Variants in NAV3 observed in about 807,000 individuals in gnomAD.
NAV3 encodes pore membrane and/or filament interacting like protein 1.
Under a neutral mutation model 244.7 loss-of-function variants are expected in NAV3, and 87 were observed. That is an observed-to-expected ratio of 0.36 (90% CI 0.30 to 0.42). The LOEUF is 0.42. Ranked by LOEUF, NAV3 falls within the 20% of genes least tolerant of loss-of-function variation. The pLI is 1.00. For synonymous variants in NAV3, 1,126 were observed against 1,042.2 expected, an observed-to-expected ratio of 1.08 and a Z score of -1.55; for missense variants, 2,663 against 2,893.3, an observed-to-expected ratio of 0.92 and a Z score of 1.83.
intron 2 of NAV3, among the ~76,000 whole-genome samples, chr12:77,824,558 G>T (rs1046070449): frequency 6.6e-5 from 10 of 151,818 alleles, no homozygotes; most frequent in Admixed American, 5.9e-4. Flanking sequence ...ACTATAAAAA[G>T]GTCCAATGAA....
At chr12:78,124,404 A>G (rs1269216460) in intron 16 of NAV3, among the ~76,000 whole-genome samples, 1 of 151,828 alleles carries the variant, frequency 6.6e-6, no homozygotes, top group Non-Finnish European at 1.5e-5. Context: ...TATTTATTGT[A>G]CATGTTCAGT....
At chr12:78,160,655 G>C (rs903977551) in intron 23 of NAV3, among the ~76,000 whole-genome samples, 1 of 151,994 alleles carries the variant, frequency 6.6e-6, no homozygotes, top group African/African-American at 2.4e-5. Context: ...TTTTAAAACA[G>C]AATGAATAGT....
intron 12 of NAV3, among the ~76,000 whole-genome samples, chr12:78,069,003 T>G (rs959065750): frequency 6.6e-6 from 1 of 151,602 alleles, no homozygotes; most frequent in African/African-American, 2.4e-5. Flanking sequence ...GGCTAACTAA[T>G]GGGTTCAGAT....
chr12:78,165,263 C>T (rs1347391727), intron 23 of NAV3, among the ~76,000 whole-genome samples: 1 of 151,906 alleles, frequency 6.6e-6, no homozygotes, highest in African/African-American at 2.4e-5. Context: ...TGTGAAGTAA[C>T]AAAATATGAT....
At chr12:77,700,483 T>A (rs1266323742) in intron 2 of NAV3, among the ~76,000 whole-genome samples, 1 of 152,166 alleles carries the variant, frequency 6.6e-6, no homozygotes, top group African/African-American at 2.4e-5. Flanking sequence ...ACAGTTTAAA[T>A]TCTTTCTGTC....
rs556493249 is a variant in NAV3, at chr12:77,820,816, A to C, written c.73-119503A>C. ...TGTAATTTTATGTTGCTGCCTTTTT[A>C]AATGGTGCCATAAGATTTCCTTAAA... On this transcript the variant is annotated intron_variant, in intron 2 of 8. Transcript: ENST00000550042. Among the ~76,000 whole-genome samples, 169 of 152,320 alleles carry C rather than the reference A, an allele frequency of 1.1e-3. 1 individual carries two copies. The highest frequency in any genetic ancestry group is 3.9e-3 in the African/African-American group (163 of 41,576).
At chr12:77,910,430 C>T (rs1181417307) in intron 1 of NAV3, among the ~76,000 whole-genome samples, 1 of 152,048 alleles carries the variant, frequency 6.6e-6, no homozygotes, top group African/African-American at 2.4e-5. Context: ...GGATATGTCC[C>T]CGTGACCCAA....
At chr12:77,697,477 AAT>A (rs1446434758) in intron 2 of NAV3, among the ~76,000 whole-genome samples, 1 of 152,136 alleles carries the variant, frequency 6.6e-6, no homozygotes, top group Non-Finnish European at 1.5e-5. Context: ...AAATCTATAA[AAT>A]GAGTATGTTA....
chr12:77,604,946 T>C (rs994549983), intron 2 of NAV3, among the ~76,000 whole-genome samples: 3 of 152,148 alleles, frequency 2.0e-5, no homozygotes, highest in African/African-American at 7.2e-5. Context: ...TGGTTTGCTT[T>C]AGACTACATG....
intron 16 of NAV3, among the ~76,000 whole-genome samples, chr12:78,126,142 C>T (rs1047906637): frequency 1.3e-4 from 20 of 152,102 alleles, no homozygotes; most frequent in South Asian, 4.1e-4. Context: ...TGGCTATTAC[C>T]GATAAAGTTA....
intron 1 of NAV3, among the ~76,000 whole-genome samples, chr12:77,846,907 T>C (rs932977060): frequency 3.3e-5 from 5 of 152,190 alleles, no homozygotes; most frequent in African/African-American, 1.2e-4. Context: ...TACACTTTCC[T>C]TTTATGAAAA....
At chr12:77,707,053 TTTTCTTTCTTTC>T (rs144244729) in intron 2 of NAV3, among the ~76,000 whole-genome samples, 2 of 150,342 alleles carry the variant, frequency 1.3e-5, no homozygotes, top group African/African-American at 4.9e-5. Context: ...GCTACCTTTT[TTTTCTTTCTTTC>T]TTTCTTTCTT....
chr12:77,659,506 T>C (rs979668640), intron 2 of NAV3, among the ~76,000 whole-genome samples: 1 of 152,190 alleles, frequency 6.6e-6, no homozygotes, highest in African/African-American at 2.4e-5. Context: ...TTTTACACTG[T>C]TGTTGGGACT....
intron 1 of NAV3, among the ~76,000 whole-genome samples, chr12:77,854,559 A>G (rs1878055999): frequency 6.7e-6 from 1 of 149,390 alleles, no homozygotes; most frequent in South Asian, 2.2e-4. Flanking sequence ...CTATGTAATC[A>G]TGATAAGCCA....
intron 1 of NAV3, among the ~76,000 whole-genome samples, chr12:77,884,171 G>A (rs1473333849): frequency 6.6e-6 from 1 of 152,138 alleles, no homozygotes; most frequent in East Asian, 1.9e-4. Flanking sequence ...TTGTGTTTTA[G>A]TTGGGATTCT....
At chr12:77,745,855 A>G (rs1287958630) in intron 2 of NAV3, among the ~76,000 whole-genome samples, 1 of 152,124 alleles carries the variant, frequency 6.6e-6, no homozygotes, top group East Asian at 1.9e-4. Context: ...AATAAATGGA[A>G]TAACAGTGAA....
At chr12:78,081,792 T>TTTCCCC (rs1229953587) in intron 12 of NAV3, among the ~76,000 whole-genome samples, 27 of 152,272 alleles carry the variant, frequency 1.8e-4, no homozygotes, top group African/African-American at 6.5e-4. Flanking sequence ...CAAGTGCCCC[T>TTTCCCC]TTCCCCGGGC....
rs556592192 is a variant in NAV3, at chr12:77,615,011, C to G, written c.72+42745C>G. ...GATGAGAAGGTCAGCCAAAAGATAG[C>G]TAGGTGATGAAGTATGGCAAGGACA... On this transcript the variant is annotated intron_variant, in intron 2 of 8. Transcript: ENST00000550042. Among the ~76,000 whole-genome samples, 183 of 152,224 alleles carry G rather than the reference C, an allele frequency of 1.2e-3. 1 individual carries two copies. The highest frequency in any genetic ancestry group is 6.1e-3 in the Admixed American group (93 of 15,272).
chr12:77,601,276 TA>T (rs1384540540), intron 2 of NAV3, among the ~76,000 whole-genome samples: 5 of 151,946 alleles, frequency 3.3e-5, no homozygotes, highest in African/African-American at 9.7e-5. Context: ...GATTTGAAAC[TA>T]AGTACTGTGG....
Sources: allele counts gnomAD v4.1 joint callset (sites outside exome capture counted in the v4.1 genomes callset), GRCh38; gene constraint gnomAD v4.1.1; transcripts MANE v1.5; gene names NCBI Gene and HGNC (gene_info 2026-07-23, HGNC 2026-07-21).